SNX8: variants seen among roughly 807,000 people sequenced by gnomAD.
The protein encoded by SNX8 is sorting nexin-8.
SNX8 carries 25 observed loss-of-function variants against 51.6 expected under a neutral mutation model. The ratio of observed to expected loss-of-function variants is 0.48; its 90% confidence interval spans 0.35 to 0.68. The LOEUF is 0.68. Ranked by LOEUF, SNX8 falls within the 30% of genes least tolerant of loss-of-function variation. The probability of loss-of-function intolerance (pLI) is 0.00; values close to 1 mark genes in which losing one functional copy is unlikely to be tolerated. For missense variants in SNX8, 695 were observed against 624.0 expected (o/e 1.11, Z -1.21); for synonymous variants, 324 against 277.0 (o/e 1.17, Z -1.68).
intron 1 of SNX8, among the ~76,000 whole-genome samples, chr7:2,324,776 A>G (rs1778595461): frequency 6.6e-6 from 1 of 152,126 alleles, no homozygotes; most frequent in South Asian, 2.1e-4. Context: ...GCCCTGTGTT[A>G]TAAAGCTACC....
At chr7:2,266,025 G>A in intron 5 of SNX8, among the ~76,000 whole-genome samples, 1 of 152,216 alleles carries the variant, frequency 6.6e-6, no homozygotes, top group East Asian at 1.9e-4. Context: ...GCTGAAGTGG[G>A]AGAATTGCTT....
rs559080443 is a variant in SNX8 at position 2,263,425 on chromosome 7, T to A, written c.783-63A>T. 18 of 1,494,350 alleles carry A rather than the reference T, an allele frequency of 1.2e-5. No individual in the cohort carries two copies. In the East Asian group the frequency reaches 4.0e-4, roughly 33 times the overall value. The allele number at this position is 1,494,350 out of a possible 1,614,324, so 92.6% of individuals were successfully genotyped here. A position where few individuals can be genotyped will look rare whatever the true frequency, so the allele number is the denominator to read the frequency against. On this transcript the variant is annotated intron_variant, in intron 6 of 10. Coordinates refer to ENST00000222990, the MANE Select transcript of SNX8 (RefSeq NM_013321.4). ...GCCTGGAGCTCACCTGGCAGTCGAG[T>A]CTGGCATCCCCCCCGACAGATGTCC...
intron 1 of SNX8, among the ~76,000 whole-genome samples, chr7:2,340,354 G>A (rs1324025991): frequency 2.0e-5 from 3 of 151,506 alleles, no homozygotes; most frequent in Non-Finnish European, 4.4e-5. Context: ...TTACAGGCGT[G>A]ACCCACCATG....
At chr7:2,320,759 G>A (rs1233823490) in intron 1 of SNX8, among the ~76,000 whole-genome samples, 3 of 151,496 alleles carry the variant, frequency 2.0e-5, no homozygotes, top group African/African-American at 4.9e-5. Context: ...GGTGGCTCAC[G>A]CCTGTAATCC....
At chr7:2,311,328 C>T (rs976723887) in intron 1 of SNX8, among the ~76,000 whole-genome samples, 1 of 152,246 alleles carries the variant, frequency 6.6e-6, no homozygotes, top group Non-Finnish European at 1.5e-5. Flanking sequence ...GTAAGTCACA[C>T]ACATAGTCTC....
chr7:2,326,012 C>T (rs983636075), intron 1 of SNX8, among the ~76,000 whole-genome samples: 75 of 152,122 alleles, frequency 4.9e-4, no homozygotes, highest in African/African-American at 1.7e-3. Flanking sequence ...ACTAAGAAGA[C>T]TTCCAAGCAA....
chr7:2,285,500 T>C (rs192163562), intron 1 of SNX8, among the ~76,000 whole-genome samples: 3 of 152,294 alleles, frequency 2.0e-5, no homozygotes, highest in African/African-American at 7.2e-5. Flanking sequence ...GCATTAGACA[T>C]GAGAGTTTGG....
chr7:2,292,804 C>A (rs1254285222), intron 1 of SNX8, among the ~76,000 whole-genome samples: 1 of 151,896 alleles, frequency 6.6e-6, no homozygotes, highest in African/African-American at 2.4e-5. Flanking sequence ...AGGGTTTCCT[C>A]GAGGCTAGAT....
intron 1 of SNX8, among the ~76,000 whole-genome samples, chr7:2,328,455 G>A (rs900694599): frequency 1.3e-5 from 2 of 152,036 alleles, no homozygotes; most frequent in Non-Finnish European, 2.9e-5. Flanking sequence ...GCCTCCCAAA[G>A]TGTTGGGATC....
intron 1 of SNX8, among the ~76,000 whole-genome samples, chr7:2,327,735 G>A (rs1038854350): frequency 1.3e-5 from 2 of 150,916 alleles, no homozygotes; most frequent in Non-Finnish European, 3.0e-5. Flanking sequence ...GTAGAGACGG[G>A]GTTTCACCGT....
intron 1 of SNX8, among the ~76,000 whole-genome samples, chr7:2,295,745 G>C (rs190369668): frequency 2.2e-3 from 330 of 152,160 alleles, no homozygotes; most frequent in Admixed American, 4.5e-3. Context: ...TTTAAGTCTT[G>C]AGTTGATTTT....
chr7:2,347,238 T>C (rs992737411), intron 1 of SNX8, among the ~76,000 whole-genome samples: 1 of 152,022 alleles, frequency 6.6e-6, no homozygotes, highest in Admixed American at 6.6e-5. Flanking sequence ...TCCCAGCACT[T>C]TGGGAGGCCG....
At chr7:2,292,278 C>T (rs191051403) in intron 1 of SNX8, among the ~76,000 whole-genome samples, 39 of 151,990 alleles carry the variant, frequency 2.6e-4, no homozygotes, top group African/African-American at 8.9e-4. Context: ...AAAATGAAGC[C>T]GGACCCCTCC....
chr7:2,301,400 G>A (rs961759673), intron 1 of SNX8, among the ~76,000 whole-genome samples: 1 of 152,174 alleles, frequency 6.6e-6, no homozygotes, highest in Non-Finnish European at 1.5e-5. Context: ...TCTAGGCTTT[G>A]TCTAGGAAGG....
intron 7 of SNX8, among the ~76,000 whole-genome samples, chr7:2,259,595 G>A (rs866620372): frequency 1.3e-4 from 20 of 152,278 alleles, no homozygotes; most frequent in Middle Eastern, 3.4e-3. Flanking sequence ...ACCTCAGGCC[G>A]ACTGAACCCG....
chr7:2,336,061 C>A (rs935970450), intron 1 of SNX8, among the ~76,000 whole-genome samples: 9 of 150,748 alleles, frequency 6.0e-5, no homozygotes, highest in Admixed American at 5.3e-4. Flanking sequence ...CAAGATCACA[C>A]CACTGCACTC....
intron 1 of SNX8, among the ~76,000 whole-genome samples, chr7:2,335,569 G>A (rs1282480405): frequency 2.0e-5 from 3 of 152,118 alleles, no homozygotes; most frequent in Non-Finnish European, 2.9e-5. Context: ...TCGGGAGGCC[G>A]AGGCGGGCGT....
intron 5 of SNX8, among the ~76,000 whole-genome samples, chr7:2,266,581 G>A (rs1480309996): frequency 2.6e-5 from 4 of 152,098 alleles, no homozygotes; most frequent in African/African-American, 7.2e-5. Flanking sequence ...TCCTGACCTC[G>A]TGATCCACCC....
intron 1 of SNX8, among the ~76,000 whole-genome samples, chr7:2,281,079 C>T (rs1795895561): frequency 6.6e-6 from 1 of 152,072 alleles, no homozygotes; most frequent in Admixed American, 6.6e-5. Context: ...AGGCATGAGA[C>T]ACCGCGCCCG....
Sources: gnomAD v4.1 joint callset for allele counts (sites outside exome capture counted in the v4.1 genomes callset) on GRCh38, gnomAD v4.1.1 for gene constraint, MANE v1.5 for transcripts, NCBI Gene and HGNC (gene_info 2026-07-23, HGNC 2026-07-21) for gene names.